IFFO2: variants seen among roughly 807,000 people sequenced by gnomAD.
IFFO2 encodes intermediate filament family orphan 2.
In IFFO2, 19 loss-of-function variants were observed where a neutral mutation model predicts 53.5. The observed-to-expected ratio is 0.36, with a 90% CI of 0.25 to 0.52. The LOEUF is 0.52. Ranked by LOEUF, IFFO2 falls within the 20% of genes least tolerant of loss-of-function variation. IFFO2 has a pLI of 0.94. For synonymous variants in IFFO2, 303 were observed against 313.6 expected (o/e 0.97, Z 0.36); for missense variants, 570 against 727.4 (o/e 0.78, Z 2.49).
chr1:18,915,883 G>A (rs1936126044), intron 5 of IFFO2, among the ~76,000 whole-genome samples: 1 of 152,174 alleles, frequency 6.6e-6, no homozygotes, highest in Non-Finnish European at 1.5e-5. Flanking sequence ...CCAGCACTTT[G>A]GGAGGCAGAG....
rs982226160 is a variant in IFFO2, at chr1:18,908,649, C to G, written c.1466G>C (p.Ser489Thr). 6.4e-7 allele frequency: 1 copy of G among 1,551,440 alleles called. No individual in the cohort carries two copies. The highest frequency in any genetic ancestry group is 8.7e-7 in the Non-Finnish European group (1 of 1,146,776). The change falls in exon 9 of 9, where the codon AGC (serine) becomes ACC (threonine). Residue 489 changes from serine to threonine, a missense_variant. Transcript: ENST00000455833. ...GSADRNSPSPSSVASSDSGST... is the reference protein window; with the variant it reads ...GSADRNSPSPTSVASSDSGST... ...TCCTGAGTCGCTGCTGGCCACGGAGCTGGGGGACGGTGAATTCCTGAGAAG... is the reference window on the plus strand; with the variant it reads ...TCCTGAGTCGCTGCTGGCCACGGAGGTGGGGGACGGTGAATTCCTGAGAAG...
At chr1:18,939,508 C>G (rs1341043242) in intron 1 of IFFO2, among the ~76,000 whole-genome samples, 1 of 152,240 alleles carries the variant, frequency 6.6e-6, no homozygotes, top group African/African-American at 2.4e-5. Flanking sequence ...ATTCAGGCCA[C>G]TTCTAGCTCA....
Position 18,910,255 on chromosome 1 carries a change from G to A in IFFO2, c.1448+87C>T, listed in dbSNP as rs1418927728. On this transcript the variant is annotated intron_variant, in intron 8 of 8. Coordinates refer to ENST00000455833, the MANE Select transcript of IFFO2 (RefSeq NM_001136265.2). The stretch of plus-strand genomic sequence containing the variant: ...GATGGACGGACAGAGAGACAGGTTG[G>A]GAGCATGACACATGGCCGAGTTGCA... 4.1e-6 allele frequency: 6 copies of A among 1,446,314 alleles called. No individual in the cohort carries two copies. In the East Asian group the frequency reaches 1.5e-4, roughly 36 times the overall value. The allele number at this position is 1,446,314 out of a possible 1,614,324, so 89.6% of individuals were successfully genotyped here.
At position 18,911,962 on chromosome 1, in the gene IFFO2, C is replaced by G; in HGVS notation, c.1224+1G>C. On this transcript the variant is annotated splice_donor_variant, in intron 6 of 8. Transcript: ENST00000455833. LOFTEE classifies it high-confidence loss of function. ...TTTGGGAAGCCAGGCGCTGGGCTTACCTCGCCCTGCAGGTCGATGGTCGGA... is the reference window on the plus strand; with the variant it reads ...TTTGGGAAGCCAGGCGCTGGGCTTAGCTCGCCCTGCAGGTCGATGGTCGGA... 6.4e-7 allele frequency: 1 copy of G among 1,551,662 alleles called. No homozygotes were observed. The highest frequency in any genetic ancestry group is 8.7e-7 in the Non-Finnish European group (1 of 1,146,960).
rs565241447 is a variant in IFFO2 at position 18,936,892 on chromosome 1, G to A, written c.666-15771C>T. ...GCTCAGTCTCCTCACCTGTAAAATGGGTGAGAATGACCCCACCTGGATTCA... is the reference window on the plus strand; with the variant it reads ...GCTCAGTCTCCTCACCTGTAAAATGAGTGAGAATGACCCCACCTGGATTCA... On this transcript the variant is annotated intron_variant, in intron 1 of 8. Coordinates refer to ENST00000455833, the MANE Select transcript of IFFO2 (RefSeq NM_001136265.2). This position sits in a 1 kb window ranked among gnomAD's most constrained non-coding sequence, Gnocchi z 4.5. Among the ~76,000 whole-genome samples, 2 of 152,130 alleles carry A rather than the reference G, an allele frequency of 1.3e-5. No individual in the cohort carries two copies. Among genetic ancestry groups the A allele is most frequent in the African/African-American group, 4.8e-5 (2 of 41,490 alleles).
intron 1 of IFFO2, among the ~76,000 whole-genome samples, chr1:18,946,807 C>T (rs1265682397): frequency 6.6e-6 from 1 of 152,192 alleles, no homozygotes; most frequent in Admixed American, 6.5e-5. Flanking sequence ...CTAATGATAG[C>T]ACCCAACTCA....
intron 1 of IFFO2, among the ~76,000 whole-genome samples, chr1:18,926,601 G>A (rs550617834): frequency 1.2e-4 from 18 of 152,276 alleles, no homozygotes; most frequent in East Asian, 1.2e-3. Flanking sequence ...TGGTCTCTCC[G>A]CATTCCTGAG....
At chr1:18,915,119 G>C (rs1057071254) in intron 5 of IFFO2, among the ~76,000 whole-genome samples, 2 of 152,168 alleles carry the variant, frequency 1.3e-5, no homozygotes, top group Non-Finnish European at 2.9e-5. Flanking sequence ...CATGGCGTGG[G>C]GGACAAAGCA....
At chr1:18,938,842 G>T (rs1382205082) in intron 1 of IFFO2, among the ~76,000 whole-genome samples, 1 of 152,218 alleles carries the variant, frequency 6.6e-6, no homozygotes, top group Admixed American at 6.5e-5. Context: ...AAAGGCAGTA[G>T]GCAGTCTCCT....
At chr1:18,925,703 A>G (rs1235248152) in intron 1 of IFFO2, among the ~76,000 whole-genome samples, 3 of 152,218 alleles carry the variant, frequency 2.0e-5, no homozygotes, top group Non-Finnish European at 4.4e-5. Context: ...TATTCCCTGC[A>G]CCTCAAACTG....
intron 5 of IFFO2, among the ~76,000 whole-genome samples, chr1:18,913,660 A>AG (rs931796002): frequency 3.3e-5 from 5 of 152,182 alleles, no homozygotes; most frequent in Non-Finnish European, 7.4e-5. Context: ...AGATCTGGCC[A>AG]GGGGCAGCCT....
intron 1 of IFFO2, among the ~76,000 whole-genome samples, chr1:18,942,429 G>A (rs1447153049): frequency 6.6e-6 from 1 of 152,164 alleles, no homozygotes; most frequent in Non-Finnish European, 1.5e-5. Flanking sequence ...CAGGAGGGAG[G>A]GAGCGGTAAC....
chr1:18,953,839 C>T (rs1936689364), intron 1 of IFFO2, among the ~76,000 whole-genome samples: 1 of 152,204 alleles, frequency 6.6e-6, no homozygotes, highest in African/African-American at 2.4e-5. Context: ...CAACCCATCT[C>T]CCTCCAAGAC....
Position 18,908,424 on chromosome 1 carries a change from G to C in IFFO2, c.*137C>G, listed in dbSNP as rs1282087893. ...AAGGAAGGAAGCAGCAGTCCCTCAG[G>C]GCCTCCAGAGAAGGGAGGGCAGAGA... On this transcript the variant is annotated 3_prime_UTR_variant, in exon 9 of 9. Coordinates refer to ENST00000455833, the MANE Select transcript of IFFO2 (RefSeq NM_001136265.2). 7.7e-6 allele frequency: 5 copies of C among 652,836 alleles called. No homozygotes were observed. The highest frequency in any genetic ancestry group is 1.4e-5 in the Non-Finnish European group (5 of 364,458). The allele number at this position is 652,836 out of a possible 1,614,324, so 40.4% of individuals were successfully genotyped here.
rs146943463 is a variant in IFFO2, at chr1:18,932,988, GC to G, written c.666-11868del. 1.9e-4 allele frequency among the ~76,000 whole-genome samples: 29 copies of G among 152,364 alleles called. No individual in the cohort carries two copies. In the East Asian group the frequency reaches 5.6e-3, roughly 29 times the overall value. On this transcript the variant is annotated intron_variant, in intron 1 of 8. Coordinates refer to ENST00000455833, the MANE Select transcript of IFFO2 (RefSeq NM_001136265.2). ...CCGGCAGCCCAGAATATCTCCCACA[GC>G]CCAACTCAGGCTGGCTGCCGGCTTA...
At chr1:18,952,828 A>G (rs1309765271) in intron 1 of IFFO2, among the ~76,000 whole-genome samples, 1 of 152,238 alleles carries the variant, frequency 6.6e-6, no homozygotes, top group South Asian at 2.1e-4. Context: ...TACACTTAAA[A>G]TGGGCAGTTT....
chr1:18,944,977 C>T (rs1443166865), intron 1 of IFFO2, among the ~76,000 whole-genome samples: 1 of 152,200 alleles, frequency 6.6e-6, no homozygotes, highest in East Asian at 1.9e-4. Context: ...ACAGGACAGG[C>T]CAAGTTCTGG....
Position 18,905,555 on chromosome 1 carries a change from G to C in IFFO2, c.*3006C>G, listed in dbSNP as rs1935934767. 2.0e-5 allele frequency: 3 copies of C among 152,044 alleles called. No individual in the cohort carries two copies. The highest frequency in any genetic ancestry group is 4.4e-5 in the Non-Finnish European group (3 of 68,024). 9.4% of individuals were successfully genotyped at this position (152,044 alleles called of 1,614,324 possible). A position where few individuals can be genotyped will look rare whatever the true frequency, so the allele number is the denominator to read the frequency against. ...GTTTAATTCTCCCTAGGTCATCTGA[G>C]CTCTACCCACAGAGTTAGTCCACGA... On this transcript the variant is annotated 3_prime_UTR_variant, in exon 9 of 9. Coordinates refer to ENST00000455833, the MANE Select transcript of IFFO2 (RefSeq NM_001136265.2).
chr1:18,947,515 C>A lies in IFFO2; in HGVS notation c.665+8153G>T, dbSNP rs1239837466. ...GTACAGCACAGGATAAAGGTTGGAT[C>A]TGGAGCCTGACTTCCAAGTTACTTC... On this transcript the variant is annotated intron_variant, in intron 1 of 8. Coordinates refer to ENST00000455833, the MANE Select transcript of IFFO2 (RefSeq NM_001136265.2). This position sits in a 1 kb window ranked among gnomAD's most constrained non-coding sequence, Gnocchi z 5.0. 6.6e-6 allele frequency among the ~76,000 whole-genome samples: 1 copy of A among 152,246 alleles called. No homozygotes were observed. The highest frequency in any genetic ancestry group is 1.5e-5 in the Non-Finnish European group (1 of 68,044).
Sources: allele counts gnomAD v4.1 joint callset (sites outside exome capture counted in the v4.1 genomes callset), GRCh38; gene constraint gnomAD v4.1.1; non-coding constraint Gnocchi (gnomAD v3.1); transcripts MANE v1.5; gene names NCBI Gene and HGNC (gene_info 2026-07-23, HGNC 2026-07-21).